The following LRRN1 variants were observed in gnomAD, a reference collection of about 807,000 sequenced individuals.
LRRN1 encodes leucine rich repeat neuronal 1.
In LRRN1, 14 loss-of-function variants were observed where a neutral mutation model predicts 45.8. The observed-to-expected ratio is 0.31, with a 90% CI of 0.20 to 0.48. The LOEUF (loss-of-function observed/expected upper bound fraction) is 0.48, where lower values mean the gene tolerates loss of function less well. LRRN1 is among the 20% of genes least tolerant of loss of function. LRRN1 has a pLI of 0.99. For synonymous variants in LRRN1, 359 were observed against 330.1 expected (o/e 1.09, Z -0.95); for missense variants, 789 against 874.2 (o/e 0.90, Z 1.23).
At position 3,846,343 on chromosome 3, in the gene LRRN1, A is replaced by G. The variant is rs750706625; in HGVS notation, c.1702A>G (p.Ile568Val). The change falls in exon 2 of 2, where the codon ATA (isoleucine) becomes GTA (valine). Residue 568 changes from isoleucine to valine, a missense_variant. Coordinates refer to ENST00000319331, the MANE Select transcript of LRRN1 (RefSeq NM_020873.7). The surrounding 1 kb of genome is among the most constrained non-coding windows in gnomAD (Gnocchi z 5.7). ...CACCATGAAGATTGATAACCCTCAC[A>G]TAACATATACTGCCAGGGTCCCAGT... ...SATMKIDNPH[I>V]TYTARVPVDV... 26 of 1,613,864 alleles carry G rather than the reference A, an allele frequency of 1.6e-5. No homozygotes were observed. The South Asian group carries it at 2.3e-4, about 14-fold the overall frequency.
At chr3:3,827,745 G>C (rs879536853) in intron 1 of LRRN1, among the ~76,000 whole-genome samples, 5 of 152,032 alleles carry the variant, frequency 3.3e-5, no homozygotes, top group Non-Finnish European at 5.9e-5. Flanking sequence ...TCTTCATTTG[G>C]GGATCAAAAT....
intron 1 of LRRN1, among the ~76,000 whole-genome samples, chr3:3,812,405 G>A (rs928559598): frequency 1.8e-4 from 28 of 152,330 alleles, no homozygotes; most frequent in African/African-American, 6.0e-4. Flanking sequence ...AGCGTATGGA[G>A]AGGGAAGATC....
chr3:3,823,431 A>T (rs1215565505), intron 1 of LRRN1, among the ~76,000 whole-genome samples: 1 of 152,200 alleles, frequency 6.6e-6, no homozygotes, highest in Non-Finnish European at 1.5e-5. Flanking sequence ...GTTAGGTTAA[A>T]AGAAGAAAAG....
chr3:3,811,982 C>T (rs983519070), intron 1 of LRRN1, among the ~76,000 whole-genome samples: 8 of 152,086 alleles, frequency 5.3e-5, no homozygotes, highest in African/African-American at 1.9e-4. Flanking sequence ...ATTTATTGAC[C>T]GCAAACTCAT....
At chr3:3,806,113 A>G (rs1278795361) in intron 1 of LRRN1, among the ~76,000 whole-genome samples, 1 of 152,080 alleles carries the variant, frequency 6.6e-6, no homozygotes, top group East Asian at 1.9e-4. Context: ...AGGGTGTTAT[A>G]CCGGCATCTA....
rs1158897309 is a variant in LRRN1 at position 3,829,254 on chromosome 3, G to T, written c.-278-15110G>T. ...AAAACTGTAACTCCCTTCTTAGCCT[G>T]TTGACTTAAAGGTAGAGGGAGCCCA... On this transcript the variant is annotated intron_variant, in intron 1 of 1. Coordinates refer to ENST00000319331, the MANE Select transcript of LRRN1 (RefSeq NM_020873.7). 2.6e-5 allele frequency among the ~76,000 whole-genome samples: 4 copies of T among 152,218 alleles called. No individual in the cohort carries two copies. In the South Asian group the frequency reaches 8.3e-4, roughly 32 times the overall value.
intron 1 of LRRN1, among the ~76,000 whole-genome samples, chr3:3,807,317 A>T (rs1011867442): frequency 1.3e-5 from 2 of 152,206 alleles, no homozygotes; most frequent in African/African-American, 4.8e-5. Flanking sequence ...GGAAGAATGG[A>T]CTGCCTAGAA....
At chr3:3,810,913 G>C (rs148033254) in intron 1 of LRRN1, among the ~76,000 whole-genome samples, 5 of 152,248 alleles carry the variant, frequency 3.3e-5, no homozygotes, top group African/African-American at 9.6e-5. Flanking sequence ...TGAATTCTTT[G>C]TGAAATGGAA....
chr3:3,819,943 A>G (rs748745299), intron 1 of LRRN1, among the ~76,000 whole-genome samples: 1 of 152,196 alleles, frequency 6.6e-6, no homozygotes, highest in African/African-American at 2.4e-5. Flanking sequence ...CTAGAAAAGT[A>G]TCATGTGTGG....
Position 3,845,126 on chromosome 3 carries a change from C to G in LRRN1, c.485C>G (p.Ala162Gly), listed in dbSNP as rs1282157855. The change falls in exon 2 of 2, where the codon GCT (alanine) becomes GGT (glycine). Residue 162 changes from alanine (A) to glycine (G), a missense_variant. Coordinates refer to ENST00000319331, the MANE Select transcript of LRRN1 (RefSeq NM_020873.7). The surrounding 1 kb of genome is among the most constrained non-coding windows in gnomAD (Gnocchi z 6.5). ...HNQISTISAH[A>G]FAGLKNLLRL... ...CAAATTAGCACTATTTCTGCTCATG[C>G]TTTTGCAGGCTTAAAAAATCTATTA... 2 of 1,614,040 alleles carry G rather than the reference C, an allele frequency of 1.2e-6. No individual in the cohort carries two copies. The highest frequency in any genetic ancestry group is 4.5e-5 in the East Asian group (2 of 44,882).
intron 1 of LRRN1, among the ~76,000 whole-genome samples, chr3:3,805,090 A>G (rs1252504969): frequency 6.6e-6 from 1 of 152,190 alleles, no homozygotes; most frequent in Non-Finnish European, 1.5e-5. Flanking sequence ...CCTTTGTGAG[A>G]TAATGTATTA....
intron 1 of LRRN1, among the ~76,000 whole-genome samples, chr3:3,813,824 C>A (rs1692932188): frequency 6.6e-6 from 1 of 152,208 alleles, no homozygotes; most frequent in South Asian, 2.1e-4. Context: ...ATTGACCCAG[C>A]AGGGAGGGAA....
intron 1 of LRRN1, among the ~76,000 whole-genome samples, chr3:3,824,946 TCA>T (rs1693185513): frequency 6.6e-6 from 1 of 152,138 alleles, no homozygotes; most frequent in Non-Finnish European, 1.5e-5. Flanking sequence ...TCTCTACCTT[TCA>T]CAGTTTGCGC....
intron 1 of LRRN1, among the ~76,000 whole-genome samples, chr3:3,825,832 A>C (rs1693204010): frequency 6.6e-6 from 1 of 152,248 alleles, no homozygotes; most frequent in South Asian, 2.1e-4. Flanking sequence ...AACTGAGTTT[A>C]TAATTATAGA....
intron 1 of LRRN1, among the ~76,000 whole-genome samples, chr3:3,829,178 T>G (rs1232601823): frequency 6.6e-6 from 1 of 152,104 alleles, no homozygotes; most frequent in African/African-American, 2.4e-5. Context: ...ACTTCCATCA[T>G]AAAGTAGTAG....
chr3:3,811,187 A>G (rs188735013), intron 1 of LRRN1, among the ~76,000 whole-genome samples: 1 of 152,310 alleles, frequency 6.6e-6, no homozygotes, highest in East Asian at 1.9e-4. Context: ...AACCCTAGAC[A>G]AGGATCTTGC....
chr3:3,807,812 G>C (rs1226748671), intron 1 of LRRN1, among the ~76,000 whole-genome samples: 1 of 152,122 alleles, frequency 6.6e-6, no homozygotes, highest in Non-Finnish European at 1.5e-5. Flanking sequence ...CTTTCTCCAG[G>C]TTGTTATTCC....
intron 1 of LRRN1, among the ~76,000 whole-genome samples, chr3:3,839,892 G>T (rs946778845): frequency 3.9e-4 from 59 of 152,086 alleles, no homozygotes; most frequent in African/African-American, 1.4e-3. Flanking sequence ...GGATCTTTAG[G>T]ATTTTCTGTA....
At chr3:3,820,174 A>G (rs1693074399) in intron 1 of LRRN1, among the ~76,000 whole-genome samples, 1 of 152,166 alleles carries the variant, frequency 6.6e-6, no homozygotes, top group African/African-American at 2.4e-5. Context: ...CTTTTACTTC[A>G]TATGTTCTGT....
Sources: allele counts gnomAD v4.1 joint callset (sites outside exome capture counted in the v4.1 genomes callset), GRCh38; gene constraint gnomAD v4.1.1; non-coding constraint Gnocchi (gnomAD v3.1); transcripts MANE v1.5; gene names NCBI Gene and HGNC (gene_info 2026-07-23, HGNC 2026-07-21).